Variants in RIN3 observed in about 807,000 individuals in gnomAD.
The protein encoded by RIN3 is Ras and Rab interactor 3.
A neutral mutation model predicts 76.3 loss-of-function variants in RIN3; 54 were observed. That is an observed-to-expected ratio of 0.71 (90% CI 0.57 to 0.89). The LOEUF is 0.89. Among genes scored for constraint, RIN3 ranks in the 40% least tolerant of loss-of-function variants. RIN3 has a pLI of 0.00. For missense variants in RIN3, 1,256 were observed against 1,322.1 expected, an observed-to-expected ratio of 0.95 and a Z score of 0.78; for synonymous variants, 576 against 564.0, an observed-to-expected ratio of 1.02 and a Z score of -0.30.
Position 92,652,165 on chromosome 14 carries a change from C to T in RIN3, c.1116C>T (p.Pro372=), listed in dbSNP as rs756042287. The change falls in exon 6 of 10, where the codon CCC becomes CCT. Residue 372 remains proline (P), a synonymous_variant. Transcript: ENST00000216487. This position sits in a 1 kb window ranked among gnomAD's most constrained non-coding sequence, Gnocchi z 6.4. ...GAASSPLQQV[P]APPLPAKKNL... is the part of the protein sequence containing the mutation. Reference sequence around the variant, plus strand: ...CCTCCAGTCCCTTGCAGCAGGTCCCCGCCCCGCCACTGCCTGCGAAGAAGA... The same window carrying T: ...CCTCCAGTCCCTTGCAGCAGGTCCCTGCCCCGCCACTGCCTGCGAAGAAGA... 31 of 1,597,058 alleles carry T rather than the reference C, an allele frequency of 1.9e-5. No individual in the cohort carries two copies. In the Middle Eastern group the frequency reaches 1.7e-3, roughly 86 times the overall value.
At chr14:92,546,935 G>A (rs985304059) in intron 1 of RIN3, among the ~76,000 whole-genome samples, 2 of 149,554 alleles carry the variant, frequency 1.3e-5, no homozygotes, top group African/African-American at 4.9e-5. Flanking sequence ...CATGGGCCAG[G>A]TATTACCAGC....
intron 3 of RIN3, among the ~76,000 whole-genome samples, chr14:92,590,286 A>T (rs1884934533): frequency 6.6e-6 from 1 of 152,220 alleles, no homozygotes; most frequent in South Asian, 2.1e-4. Context: ...GAGCTGATAC[A>T]GTTTGGATCT....
chr14:92,688,083 G>T lies in RIN3; in HGVS notation c.2789G>T (p.Arg930Leu), dbSNP rs753724464. The T allele has an allele frequency of 6.2e-7, 1 of 1,606,142 alleles. No homozygotes were observed. The highest frequency in any genetic ancestry group is 1.7e-5 in the Admixed American group (1 of 59,582). Residue 930 changes from arginine to leucine, a missense_variant, in exon 10 of 10, where the codon CGC becomes CTC. Around this residue, in one of 3 missense-constraint regions of RIN3, gnomAD observed 218 missense variants for 174.5 expected, o/e 1.25. Transcript: ENST00000216487. ...AHRLFVLVDG[R>L]CFQLADDALP... ...CGGCTGTTCGTGCTGGTGGACGGGCGCTGCTTCCAGCTGGCGGACGACGCG... is the reference window on the plus strand; with the variant it reads ...CGGCTGTTCGTGCTGGTGGACGGGCTCTGCTTCCAGCTGGCGGACGACGCG...
chr14:92,515,205 C>T, intron 1 of RIN3: 1 of 692,382 alleles, frequency 1.4e-6, no homozygotes, highest in Admixed American at 2.1e-5. Context: ...TCGAAAGCGA[C>T]CTCTGCAAAG....
intron 4 of RIN3, among the ~76,000 whole-genome samples, chr14:92,631,153 C>T (rs2140120213): frequency 6.6e-6 from 1 of 152,350 alleles, no homozygotes; most frequent in South Asian, 2.1e-4. Flanking sequence ...GAACCACAGG[C>T]CTGGTCCTGA....
chr14:92,632,881 A>G (rs1871153588), intron 4 of RIN3, among the ~76,000 whole-genome samples: 1 of 152,232 alleles, frequency 6.6e-6, no homozygotes, highest in African/African-American at 2.4e-5. Flanking sequence ...GCAGAACCGC[A>G]TAATGGGTGG....
chr14:92,622,406 T>C (rs530092775), intron 4 of RIN3, among the ~76,000 whole-genome samples: 1 of 152,306 alleles, frequency 6.6e-6, no homozygotes, highest in South Asian at 2.1e-4. Context: ...ATCCTTATAA[T>C]TTGATAAGGC....
Position 92,652,226 on chromosome 14 carries a change from G to A in RIN3, c.1177G>A (p.Glu393Lys), listed in dbSNP as rs765997699. 38 of 1,608,868 alleles carry A rather than the reference G, an allele frequency of 2.4e-5. No homozygotes were observed. The highest frequency in any genetic ancestry group is 1.2e-4 in the African/African-American group (9 of 74,718). Residue 393 changes from glutamate to lysine, a missense_variant, in exon 6 of 10, where the codon GAG (glutamate) becomes AAG (lysine). Glu to Lys is a moderately conservative substitution (Grantham distance 56, BLOSUM62 1). Transcript: ENST00000216487. The surrounding 1 kb of genome is among the most constrained non-coding windows in gnomAD (Gnocchi z 6.4). ...PTAPPRRRVS[E>K]RVSLEDQSPG... ...TGCCCCTCCCAGACGCCGCGTTTCC[G>A]AGAGGGTGTCCTTAGAAGACCAAAG...
rs541989836 is a variant in RIN3 at position 92,685,344 on chromosome 14, G to A, written c.2631+194G>A. 1.3e-5 allele frequency: 8 copies of A among 606,236 alleles called. No individual in the cohort carries two copies. The East Asian group carries it at 2.0e-4, about 15-fold the overall frequency. The allele number at this position is 606,236 out of a possible 1,614,324, so 37.6% of individuals were successfully genotyped here. On this transcript the variant is annotated intron_variant, in intron 9 of 9. Coordinates refer to ENST00000216487, the MANE Select transcript of RIN3 (RefSeq NM_024832.5). This position sits in a 1 kb window ranked among gnomAD's most constrained non-coding sequence, Gnocchi z 4.7. The stretch of plus-strand genomic sequence containing the variant: ...GCCAGTGTGTGTCCAGGACTTGGGT[G>A]CGTCTAGAAACATATCAGCAGGCAT...
chr14:92,641,512 G>A (rs547922738), intron 5 of RIN3, among the ~76,000 whole-genome samples, 183 bp downstream of exon 5: 9 of 152,280 alleles, frequency 5.9e-5, no homozygotes, highest in Admixed American at 1.3e-4. Flanking sequence ...CTAAAGAGTC[G>A]CCTCTATCAG....
At chr14:92,527,519 A>G (rs897136205) in intron 1 of RIN3, among the ~76,000 whole-genome samples, 4 of 152,128 alleles carry the variant, frequency 2.6e-5, no homozygotes, top group Non-Finnish European at 5.9e-5. Context: ...TGGGACCTGT[A>G]ACAAACTGTA....
chr14:92,532,024 G>T (rs1896894070), intron 1 of RIN3, among the ~76,000 whole-genome samples: 1 of 151,942 alleles, frequency 6.6e-6, no homozygotes, highest in Admixed American at 6.5e-5. Flanking sequence ...CGCCTCCTGG[G>T]TTCAAGCGAT....
intron 3 of RIN3, among the ~76,000 whole-genome samples, chr14:92,580,135 G>A (rs867781139): frequency 3.9e-5 from 6 of 152,242 alleles, no homozygotes; most frequent in East Asian, 3.8e-4. Context: ...CCAGCACTTC[G>A]GGAGGCCGAG....
intron 3 of RIN3, among the ~76,000 whole-genome samples, chr14:92,582,469 A>G (rs1446289456): frequency 4.1e-5 from 5 of 121,428 alleles, no homozygotes; most frequent in African/African-American, 1.6e-4. Flanking sequence ...TTTCCCTGAG[A>G]TGGAGTCTTG....
rs1486665200 is a variant in RIN3, at chr14:92,685,233, A to T, written c.2631+83A>T. On this transcript the variant is annotated intron_variant, in intron 9 of 9. Coordinates refer to ENST00000216487, the MANE Select transcript of RIN3 (RefSeq NM_024832.5). This position sits in a 1 kb window ranked among gnomAD's most constrained non-coding sequence, Gnocchi z 4.7. ...TGCCTGCTGGCTAAGGAGCCGTGAC[A>T]TCACCTGGCTGCTCCAGCCGCCCAG... 2.8e-6 allele frequency: 4 copies of T among 1,423,028 alleles called. No individual in the cohort carries two copies. Among genetic ancestry groups the T allele is most frequent in the Non-Finnish European group, 3.8e-6 (4 of 1,060,110 alleles). The allele number at this position is 1,423,028 out of a possible 1,614,324, so 88.2% of individuals were successfully genotyped here.
Position 92,688,255 on chromosome 14 carries a change from C to T in RIN3, c.*3C>T. On this transcript the variant is annotated 3_prime_UTR_variant, in exon 10 of 10. Transcript: ENST00000216487. ...TGCGGGAGCCCAACTTCCTGTGAGGCCCTCCCGGGGCGCCTCCCCTCACCC... is the reference window on the plus strand; with the variant it reads ...TGCGGGAGCCCAACTTCCTGTGAGGTCCTCCCGGGGCGCCTCCCCTCACCC... The T allele has an allele frequency of 1.9e-6, 3 of 1,573,834 alleles. No individual in the cohort carries two copies. Among genetic ancestry groups the T allele is most frequent in the Non-Finnish European group, 2.6e-6 (3 of 1,162,238 alleles).
chr14:92,537,602 C>T (rs1271053097), intron 1 of RIN3, among the ~76,000 whole-genome samples: 1 of 143,206 alleles, frequency 7.0e-6, no homozygotes, highest in Non-Finnish European at 1.5e-5. Flanking sequence ...CTAACTTATG[C>T]TTCCACCAGC....
At chr14:92,531,111 C>T (rs969332364) in intron 1 of RIN3, among the ~76,000 whole-genome samples, 9 of 152,134 alleles carry the variant, frequency 5.9e-5, no homozygotes, top group African/African-American at 9.7e-5. Context: ...CCAGTGTCTT[C>T]GTCAGCTTGG....
intron 4 of RIN3, among the ~76,000 whole-genome samples, chr14:92,640,058 CTGCCTGACTGCGTTTGCTGGGAGA>C: frequency 7.4e-6 from 1 of 134,532 alleles, no homozygotes; most frequent in Non-Finnish European, 1.6e-5. Flanking sequence ...TCGTCGGGGG[CTGCCTGACTGCGTTTGCTGGGAGA>C]TGCCTGACTG....
Sources: gnomAD v4.1 joint callset for allele counts (sites outside exome capture counted in the v4.1 genomes callset) on GRCh38, gnomAD v4.1.1 for gene constraint, gnomAD v4.1.1 regional missense constraint, Gnocchi (gnomAD v3.1) non-coding constraint, MANE v1.5 for transcripts, NCBI Gene and HGNC (gene_info 2026-07-23, HGNC 2026-07-21) for gene names.